The following AKAP1 variants were observed in gnomAD, a reference collection of about 807,000 sequenced individuals.
AKAP1 encodes A-kinase anchor protein 1, mitochondrial.
AKAP1 carries 32 observed loss-of-function variants against 79.8 expected under a neutral mutation model. The ratio of observed to expected loss-of-function variants is 0.40; its 90% CI spans 0.30 to 0.54. AKAP1 has a LOEUF of 0.54. AKAP1 is among the 20% of genes least tolerant of loss of function. AKAP1 has a pLI of 0.47. For missense variants in AKAP1, 961 were observed against 1,138.9 expected (o/e 0.84, Z 2.25); for synonymous variants, 416 against 466.7 (o/e 0.89, Z 1.40).
chr17:57,117,287 T>C (rs1314694552), intron 8 of AKAP1, among the ~76,000 whole-genome samples: 1 of 152,176 alleles, frequency 6.6e-6, no homozygotes. Context: ...CATAGCTCCA[T>C]AGGGCACAGT....
chr17:57,091,400 C>T (rs1030931577), intron 1 of AKAP1, among the ~76,000 whole-genome samples: 1 of 151,428 alleles, frequency 6.6e-6, no homozygotes, highest in Non-Finnish European at 1.5e-5. Flanking sequence ...CTGCTGCCAC[C>T]GCCTCGTCAG....
In AKAP1 at chr17:57,120,430, G is replaced by A. The variant is rs1319009884; in HGVS notation, c.*106G>A. 6 of 1,040,550 alleles carry A rather than the reference G, an allele frequency of 5.8e-6. No individual in the cohort carries two copies. Among genetic ancestry groups the A allele is most frequent in the Non-Finnish European group, 8.5e-6 (6 of 703,884 alleles). 64.5% of individuals were successfully genotyped at this position (1,040,550 alleles called of 1,614,324 possible). A position where few individuals can be genotyped will look rare whatever the true frequency, so the allele number is the denominator to read the frequency against. The stretch of plus-strand genomic sequence containing the variant: ...TAACAAACATTGTCCTCTCCAGAAA[G>A]TCCTTTCTTTCTCCATACTGTAGTC... On this transcript the variant is annotated 3_prime_UTR_variant, in exon 11 of 11. Coordinates refer to ENST00000337714, the MANE Select transcript of AKAP1 (RefSeq NM_003488.4).
chr17:57,102,214 G>T (rs890591263), intron 1 of AKAP1, among the ~76,000 whole-genome samples: 3 of 152,156 alleles, frequency 2.0e-5, no homozygotes, highest in Admixed American at 6.5e-5. Flanking sequence ...TGGGATCACA[G>T]GTGCTTGGCT....
chr17:57,089,629 T>C (rs889631228), intron 1 of AKAP1, among the ~76,000 whole-genome samples: 3 of 152,168 alleles, frequency 2.0e-5, no homozygotes, highest in African/African-American at 7.2e-5. Context: ...TCTCCAACTC[T>C]AAAAGCTTAA....
In AKAP1 at chr17:57,116,093, C is replaced by G; in HGVS notation, c.2282-18C>G. The G allele has an allele frequency of 6.2e-7, 1 of 1,609,404 alleles. No homozygotes were observed. The highest frequency in any genetic ancestry group is 8.5e-7 in the Non-Finnish European group (1 of 1,179,228). On this transcript the variant is annotated intron_variant, in intron 6 of 10. Transcript: ENST00000337714. ...CCCTGGCCCAGGCGTTCCACGCACT[C>G]TGCTCCCTACCCTGCAGTAACGGTC...
At chr17:57,119,158 C>G (rs765304428) in intron 10 of AKAP1, 114 bp downstream of exon 10, 1 of 1,140,062 alleles carries the variant, frequency 8.8e-7, no homozygotes, top group East Asian at 2.4e-5. Flanking sequence ...TAACTGTAGA[C>G]AAGCACCTCC....
In AKAP1 at chr17:57,111,842, T is replaced by G. The variant is rs1242178871; in HGVS notation, c.1893T>G (p.Ser631Arg). ...TTGGCAAGCAGGGGCGCTATGTGAG[T>G]TTTCTGAAGCAAACATCTGGTGCCA... ...RLIGKQGRYV[S>R]FLKQTSGAKI... The change falls in exon 4 of 11, where the codon AGT becomes AGG. Residue 631 changes from serine (S) to arginine (R), a missense_variant. Physicochemically the swap from Ser to Arg is moderately radical, Grantham distance 110. This residue lies in a region of AKAP1 where 629 missense variants were observed against 781.1 expected (regional missense o/e 0.81). Coordinates refer to ENST00000337714, the MANE Select transcript of AKAP1 (RefSeq NM_003488.4). 1 of 1,613,790 alleles carries G rather than the reference T, an allele frequency of 6.2e-7. No homozygotes were observed. The highest frequency in any genetic ancestry group is 1.7e-5 in the Admixed American group (1 of 59,968).
In AKAP1 at chr17:57,105,870, A is replaced by G. The variant is rs1914820319; in HGVS notation, c.406A>G (p.Thr136Ala). The change falls in exon 2 of 11, where the codon ACA becomes GCA. Residue 136 changes from threonine (T) to alanine (A), a missense_variant. Thr to Ala is a moderately conservative substitution (Grantham distance 58). Around this residue, in one of 3 missense-constraint regions of AKAP1, gnomAD observed 224 missense variants for 210.2 expected, o/e 1.07. Transcript: ENST00000337714. ...DDSTKLELAL[T>A]GGEAKSIPLE... ...CAGTACAAAGCTGGAGCTAGCCCTG[A>G]CAGGTGGTGAAGCCAAATCGATTCC... is the stretch of plus-strand genomic sequence containing the variant. 6.2e-7 allele frequency: 1 copy of G among 1,614,122 alleles called. No individual in the cohort carries two copies. Among genetic ancestry groups the G allele is most frequent in the South Asian group, 1.1e-5 (1 of 91,094 alleles).
rs1283211237 is a variant in AKAP1, at chr17:57,118,405, C to T, written c.2525C>T (p.Ala842Val). Residue 842 changes from alanine to valine, a missense_variant, in exon 9 of 11, where the codon GCA (alanine) becomes GTA (valine). Coordinates refer to ENST00000337714, the MANE Select transcript of AKAP1 (RefSeq NM_003488.4). The part of the protein sequence containing the change: ...LSDDDQFSPE[A>V]DAAMSEMTGN... ...GACGATGACCAGTTTTCACCGGAAG[C>T]AGATGCCGCCATGAGCGAGATGACG... 1 of 1,613,854 alleles carries T rather than the reference C, an allele frequency of 6.2e-7. No individual in the cohort carries two copies. Among genetic ancestry groups the T allele is most frequent in the African/African-American group, 1.3e-5 (1 of 74,890 alleles).
rs147094420 is a variant in AKAP1 at position 57,112,568 on chromosome 17, G to A, written c.2053G>A (p.Ala685Thr). The A allele has an allele frequency of 2.6e-4, 415 of 1,614,054 alleles. No homozygotes were observed. The African/African-American group carries it at 4.9e-3, about 19-fold the overall frequency. ...FKELNLTNIY[A>T]PPLPSLALPS... is the part of the protein sequence containing the mutation. The stretch of plus-strand genomic sequence containing the variant: ...AGAGCTGAACCTCACCAATATCTAC[G>A]CTCCCCCATTGCCTTCACTGGCACT... The change falls in exon 5 of 11, where the codon GCT becomes ACT. Residue 685 changes from alanine (A) to threonine (T), a missense_variant. Ala to Thr is a moderately conservative substitution (Grantham distance 58). Transcript: ENST00000337714.
intron 5 of AKAP1, 68 bp from the exon 6 acceptor site, chr17:57,114,391 C>T: frequency 6.4e-7 from 1 of 1,569,490 alleles, no homozygotes; most frequent in Non-Finnish European, 8.7e-7. Flanking sequence ...GCCCTTGGGT[C>T]TCGGGACTTA....
chr17:57,116,010 G>C, intron 6 of AKAP1, 101 bp from the exon 7 acceptor site: 4 of 1,398,370 alleles, frequency 2.9e-6, no homozygotes, highest in Non-Finnish European at 3.9e-6. Flanking sequence ...GGAGGTTGCA[G>C]GCCTCTGAGA....
intron 5 of AKAP1, 151 bp downstream of exon 5, chr17:57,112,769 A>G (rs1915332086): frequency 1.7e-6 from 2 of 1,195,900 alleles, no homozygotes; most frequent in African/African-American, 1.5e-5. Context: ...CGGTTCTGCT[A>G]TGGGACTGTG....
At chr17:57,089,993 C>G (rs1307500804) in intron 1 of AKAP1, among the ~76,000 whole-genome samples, 2 of 152,248 alleles carry the variant, frequency 1.3e-5, no homozygotes, top group Non-Finnish European at 2.9e-5. Flanking sequence ...CACCTGATGA[C>G]TTCCTACAGA....
intron 5 of AKAP1, among the ~76,000 whole-genome samples, chr17:57,113,389 G>GTGTT (rs1241138612): frequency 6.6e-6 from 1 of 150,682 alleles, no homozygotes; most frequent in Admixed American, 6.6e-5. Context: ...GTCCTCCTTC[G>GTGTT]TGTTTTTTTT....
At chr17:57,102,812 G>A (rs1914607958) in intron 1 of AKAP1, among the ~76,000 whole-genome samples, 2 of 152,178 alleles carry the variant, frequency 1.3e-5, no homozygotes, top group South Asian at 4.1e-4. Context: ...AATTCATTTG[G>A]CTGGGCACCG....
intron 5 of AKAP1, among the ~76,000 whole-genome samples, chr17:57,113,425 G>A (rs1021455695): frequency 4.0e-5 from 6 of 151,812 alleles, no homozygotes; most frequent in Non-Finnish European, 7.4e-5. Context: ...TTTATGGATG[G>A]TAGGCATTTC....
At chr17:57,113,371 A>G (rs1406401599) in intron 5 of AKAP1, among the ~76,000 whole-genome samples, 1 of 150,768 alleles carries the variant, frequency 6.6e-6, no homozygotes, top group Non-Finnish European at 1.5e-5. Flanking sequence ...TATAGCTCCA[A>G]GGAAATTGTC....
chr17:57,106,315 C>A lies in AKAP1; in HGVS notation c.851C>A (p.Ala284Glu). The A allele has an allele frequency of 1.2e-6, 2 of 1,614,128 alleles. No homozygotes were observed. Among genetic ancestry groups the A allele is most frequent in the Non-Finnish European group, 1.7e-6 (2 of 1,180,028 alleles). Reference sequence around the variant, plus strand: ...CACACAGAGCTGGCAAAGGACGATGCGGCGCCAGCACCCCCAGTCGCAGAC... The same window carrying A: ...CACACAGAGCTGGCAAAGGACGATGAGGCGCCAGCACCCCCAGTCGCAGAC... Reference protein sequence around the residue: ...SAHTELAKDDAAPAPPVADAK... With the variant: ...SAHTELAKDDEAPAPPVADAK... The change falls in exon 2 of 11, where the codon GCG becomes GAG. Residue 284 changes from alanine to glutamate, a missense_variant. By Grantham distance (107) the Ala-to-Glu change is moderately radical. This residue lies in a region of AKAP1 where 224 missense variants were observed against 210.2 expected (regional missense o/e 1.07). Transcript: ENST00000337714.
Sources: allele counts gnomAD v4.1 joint callset (sites outside exome capture counted in the v4.1 genomes callset), GRCh38; gene constraint gnomAD v4.1.1; regional missense constraint gnomAD v4.1.1; transcripts MANE v1.5; gene names NCBI Gene and HGNC (gene_info 2026-07-23, HGNC 2026-07-21).